The following ROPN1L variants were observed in gnomAD, a reference collection of about 807,000 sequenced individuals.
ROPN1L encodes rhophilin associated tail protein 1 like.
ROPN1L carries 23 observed loss-of-function variants against 22.7 expected under a neutral mutation model. The ratio of observed to expected loss-of-function variants is 1.01; its 90% confidence interval spans 0.73 to 1.43. ROPN1L has a LOEUF of 1.43. Ranked by LOEUF, ROPN1L falls within the 40% of genes most tolerant of loss-of-function variation. The pLI is 0.00. For synonymous variants in ROPN1L, 116 were observed against 117.8 expected (o/e 0.98, Z 0.10); for missense variants, 271 against 291.5 (o/e 0.93, Z 0.51).
downstream of ROPN1L, among the ~76,000 whole-genome samples, chr5:10,476,853 TG>T (rs1735324390): frequency 6.6e-6 from 1 of 152,232 alleles, no homozygotes. Flanking sequence ...AGAGACGAAA[TG>T]GAGGCAGATA....
chr5:10,462,605 A>G (rs1561177440), intron 4 of ROPN1L, among the ~76,000 whole-genome samples: 1 of 152,190 alleles, frequency 6.6e-6, no homozygotes, highest in Non-Finnish European at 1.5e-5. Context: ...TTAAAAAGTG[A>G]GATAGAGGCT....
chr5:10,456,257 C>T (rs1441398811), intron 3 of ROPN1L, among the ~76,000 whole-genome samples: 4 of 152,160 alleles, frequency 2.6e-5, no homozygotes, highest in Admixed American at 6.5e-5. Flanking sequence ...GAGGCCAAGG[C>T]GGGTGGATCA....
At chr5:10,451,957 A>ATCTATCTATCTATCTG (rs1468882728) in intron 3 of ROPN1L, among the ~76,000 whole-genome samples, 1 of 151,962 alleles carries the variant, frequency 6.6e-6, no homozygotes, top group Admixed American at 6.6e-5. Flanking sequence ...CTATCTGTCT[A>ATCTATCTATCTATCTG]TCTATCTAAT....
At chr5:10,456,882 T>A (rs1255815047) in intron 3 of ROPN1L, among the ~76,000 whole-genome samples, 3 of 152,200 alleles carry the variant, frequency 2.0e-5, no homozygotes, top group Non-Finnish European at 4.4e-5. Context: ...GTTACACAGA[T>A]CTCATCTGCC....
chr5:10,469,012 G>A (rs377387874), downstream of ROPN1L, among the ~76,000 whole-genome samples: 607 of 152,080 alleles, frequency 4.0e-3, 4 homozygotes, highest in African/African-American at 0.014. Flanking sequence ...AAAATTAGCC[G>A]GGCGTGGTGG....
intron 3 of ROPN1L, among the ~76,000 whole-genome samples, chr5:10,456,241 C>G (rs1215793589): frequency 6.6e-6 from 1 of 152,220 alleles, no homozygotes; most frequent in Non-Finnish European, 1.5e-5. Context: ...AATCCCAGCA[C>G]TTTGGGAGGC....
the ROPN1L span, among the ~76,000 whole-genome samples, chr5:10,481,353 A>G: frequency 6.6e-6 from 1 of 152,246 alleles, no homozygotes; most frequent in Non-Finnish European, 1.5e-5. Context: ...CTCAGGAGAC[A>G]GCGGACATGT....
intron 4 of ROPN1L, among the ~76,000 whole-genome samples, chr5:10,471,173 C>G (rs1246899586): frequency 2.0e-5 from 3 of 152,116 alleles, no homozygotes; most frequent in Admixed American, 6.5e-5. Context: ...AGTCTCACTC[C>G]ATTGCCCAGG....
At chr5:10,443,902 C>T (rs1740972649) in intron 1 of ROPN1L, among the ~76,000 whole-genome samples, 1 of 152,120 alleles carries the variant, frequency 6.6e-6, no homozygotes, top group Admixed American at 6.5e-5. Flanking sequence ...CATTCAGTGG[C>T]CATCCAGATA....
At chr5:10,450,333 A>G (rs1741214416) in intron 3 of ROPN1L, among the ~76,000 whole-genome samples, 2 of 152,232 alleles carry the variant, frequency 1.3e-5, no homozygotes, top group African/African-American at 4.8e-5. Context: ...TTAATAGTAG[A>G]TGAAAGATAT....
chr5:10,461,455 T>C, intron 4 of ROPN1L, 96 bp downstream of exon 4: 2 of 1,045,010 alleles, frequency 1.9e-6, no homozygotes, highest in Non-Finnish European at 2.9e-6. Flanking sequence ...GTTTTTCCTT[T>C]GCTCTCTCAC....
At chr5:10,456,081 G>C (rs1041941097) in intron 3 of ROPN1L, among the ~76,000 whole-genome samples, 7 of 152,246 alleles carry the variant, frequency 4.6e-5, no homozygotes, top group African/African-American at 1.7e-4. Context: ...AAACCCCACA[G>C]AGTTGGCATG....
At chr5:10,476,734 C>T (rs774323584), downstream of ROPN1L, among the ~76,000 whole-genome samples, 1 of 152,178 alleles carries the variant, frequency 6.6e-6, no homozygotes, top group African/African-American at 2.4e-5. Context: ...TGAAAATAAT[C>T]GAACCCATCA....
At chr5:10,466,235 TAGAG>T (rs1735152404), downstream of ROPN1L, among the ~76,000 whole-genome samples, 1 of 152,072 alleles carries the variant, frequency 6.6e-6, no homozygotes, top group Non-Finnish European at 1.5e-5. Context: ...CTCTAAAACT[TAGAG>T]GGACAGATTA....
chr5:10,458,173 C>T (rs1435848553), intron 3 of ROPN1L, among the ~76,000 whole-genome samples: 1 of 152,018 alleles, frequency 6.6e-6, no homozygotes, highest in Non-Finnish European at 1.5e-5. Flanking sequence ...TCCTGTGCCA[C>T]CCGCCAGTCC....
downstream of ROPN1L, among the ~76,000 whole-genome samples, chr5:10,474,595 C>T (rs954733058): frequency 1.6e-4 from 25 of 152,250 alleles, no homozygotes; most frequent in African/African-American, 5.8e-4. Context: ...GAACCTAGAG[C>T]CTCTGTTGAG....
chr5:10,457,672 T>C (rs1367250541), intron 3 of ROPN1L, among the ~76,000 whole-genome samples: 1 of 152,148 alleles, frequency 6.6e-6, no homozygotes, highest in Non-Finnish European at 1.5e-5. Context: ...GCTCATTTTG[T>C]CCCATAGCCT....
At chr5:10,456,863 G>C (rs1741437030) in intron 3 of ROPN1L, among the ~76,000 whole-genome samples, 1 of 152,116 alleles carries the variant, frequency 6.6e-6, no homozygotes, top group Non-Finnish European at 1.5e-5. Context: ...TGAAGCCTTG[G>C]AACGGCGCGT....
downstream of ROPN1L, among the ~76,000 whole-genome samples, chr5:10,474,839 G>C (rs778296973): frequency 2.0e-5 from 3 of 152,212 alleles, no homozygotes; most frequent in Admixed American, 6.5e-5. Context: ...TTGATTTTGT[G>C]CTTTTTTGCT....
Sources: allele counts gnomAD v4.1 joint callset (sites outside exome capture counted in the v4.1 genomes callset), GRCh38; gene constraint gnomAD v4.1.1; transcripts MANE v1.5; gene names NCBI Gene and HGNC (gene_info 2026-07-23, HGNC 2026-07-21).